DAB1: variants seen among roughly 807,000 people sequenced by gnomAD.
DAB1 encodes disabled homolog 1.
A neutral mutation model predicts 64.6 loss-of-function variants in DAB1; 15 were observed. The observed-to-expected ratio is 0.23, with a 90% CI of 0.16 to 0.36. The LOEUF (loss-of-function observed/expected upper bound fraction) is 0.36. Ranked by LOEUF, DAB1 falls within the 10% of genes least tolerant of loss-of-function variation. The probability of loss-of-function intolerance (pLI) is 1.00; values close to 1 mark genes in which losing one functional copy is unlikely to be tolerated. For synonymous variants in DAB1, 235 were observed against 251.9 expected (o/e 0.93, Z 0.64); for missense variants, 596 against 706.7 (o/e 0.84, Z 1.78).
chr1:57,428,857 A>AC (rs1685388488), upstream of DAB1, among the ~76,000 whole-genome samples: 1 of 118,888 alleles, frequency 8.4e-6, no homozygotes, highest in Non-Finnish European at 1.8e-5. Context: ...AAAAAAAAAA[A>AC]AAACAGCAAC....
Position 57,069,383 on chromosome 1 carries a change from C to T in DAB1, c.640G>A (p.Glu214Lys), listed in dbSNP as rs762426691. The part of the protein sequence containing the change: ...EAGHEPIRDP[E>K]TEENIYQVPT... ...ACCTGATAAATGTTTTCTTCCGTTT[C>T]GGGATCACGGATTGGCTCGTGTCCA... The change falls in exon 8 of 15, where the codon GAA becomes AAA. Residue 214 changes from glutamate to lysine, a missense_variant. By Grantham distance (56) the Glu-to-Lys change is moderately conservative. Transcript: ENST00000371236. 19 of 1,613,456 alleles carry T rather than the reference C, an allele frequency of 1.2e-5. No homozygotes were observed. Among genetic ancestry groups the T allele is most frequent in the Admixed American group, 8.3e-5 (5 of 60,014 alleles).
intron 2 of DAB1, among the ~76,000 whole-genome samples, chr1:57,212,633 C>G (rs1239297919): frequency 6.6e-6 from 1 of 152,032 alleles, no homozygotes; most frequent in Admixed American, 6.6e-5. Flanking sequence ...TCTCAAAGTG[C>G]TGGGATTACA....
At chr1:57,326,151 C>T (rs1219605076) in intron 1 of DAB1, among the ~76,000 whole-genome samples, 1 of 152,248 alleles carries the variant, frequency 6.6e-6, no homozygotes. Flanking sequence ...CTTAAAGCTA[C>T]ACCATAAGGT....
chr1:58,054,926 T>A (rs1647963445), intron 5 of DAB1, among the ~76,000 whole-genome samples: 1 of 152,244 alleles, frequency 6.6e-6, no homozygotes, highest in South Asian at 2.1e-4. Context: ...ACAGCCACAT[T>A]CGTGAAGGCA....
At chr1:58,184,978 G>T (rs1656991882) in intron 4 of DAB1, among the ~76,000 whole-genome samples, 1 of 152,296 alleles carries the variant, frequency 6.6e-6, no homozygotes, top group Non-Finnish European at 1.5e-5. Flanking sequence ...AGGAAGAGCA[G>T]ACTGCACTCA....
At chr1:57,047,700 G>C (rs1432668439) in intron 9 of DAB1, among the ~76,000 whole-genome samples, 3 of 152,112 alleles carry the variant, frequency 2.0e-5, no homozygotes, top group African/African-American at 7.2e-5. Context: ...ATTTTGTTAT[G>C]GCAGCCCAAG....
rs528768567 is a variant in DAB1 at position 57,349,229 on chromosome 1, C to T, written c.-136-58063G>A. ...TCATTGTTCTTCTCTTTCAACTCTC[C>T]TTCATGCTTGAATTAGGATATTTTC... On this transcript the variant is annotated intron_variant, in intron 1 of 14. Transcript: ENST00000371236. 3.3e-5 allele frequency among the ~76,000 whole-genome samples: 5 copies of T among 152,274 alleles called. No homozygotes were observed. In the South Asian group the frequency reaches 1.0e-3, roughly 32 times the overall value.
chr1:58,053,238 ATGAAGGAATACC>A (rs1453973802), intron 5 of DAB1, among the ~76,000 whole-genome samples: 13 of 152,270 alleles, frequency 8.5e-5, no homozygotes, highest in African/African-American at 3.1e-4. Flanking sequence ...TTGTGTAGCT[ATGAAGGAATACC>A]TGAGGCTGGA....
chr1:58,434,961 T>C (rs571672461), intron 3 of DAB1, among the ~76,000 whole-genome samples: 14 of 152,222 alleles, frequency 9.2e-5, no homozygotes, highest in Non-Finnish European at 1.5e-4. Context: ...GGAGCCTTAG[T>C]ATCATTTGAC....
chr1:57,712,796 C>T (rs1647042204), intron 6 of DAB1, among the ~76,000 whole-genome samples: 1 of 152,134 alleles, frequency 6.6e-6, no homozygotes, highest in African/African-American at 2.4e-5. Context: ...TGGGAGAGAT[C>T]TCACAGCATA....
intron 1 of DAB1, among the ~76,000 whole-genome samples, chr1:57,416,855 T>G (rs1420120155): frequency 1.3e-5 from 2 of 152,200 alleles, no homozygotes; most frequent in African/African-American, 2.4e-5. Context: ...TTTCCCTAAG[T>G]AGTTCATAAA....
intron 6 of DAB1, among the ~76,000 whole-genome samples, chr1:57,651,652 T>C (rs1394327085): frequency 6.6e-6 from 1 of 151,082 alleles, no homozygotes; most frequent in Non-Finnish European, 1.5e-5. Flanking sequence ...ACGGGTTTAT[T>C]GTAGAAAACA....
At chr1:57,117,842 T>C (rs1467079306) in intron 4 of DAB1, among the ~76,000 whole-genome samples, 4 of 149,452 alleles carry the variant, frequency 2.7e-5, no homozygotes, top group Non-Finnish European at 5.9e-5. Flanking sequence ...GTCCTAGTTA[T>C]AAAAGGCTCA....
chr1:58,091,108 T>C (rs1021680468), intron 5 of DAB1, among the ~76,000 whole-genome samples: 1 of 152,196 alleles, frequency 6.6e-6, no homozygotes, highest in Non-Finnish European at 1.5e-5. Flanking sequence ...TACAGACTCC[T>C]TAGCCCCCTC....
intron 2 of DAB1, among the ~76,000 whole-genome samples, chr1:57,193,145 A>G (rs1191858680): frequency 6.6e-6 from 1 of 152,092 alleles, no homozygotes; most frequent in Non-Finnish European, 1.5e-5. Context: ...GTTGTAAAAG[A>G]GATGTCCTGA....
intron 3 of DAB1, among the ~76,000 whole-genome samples, chr1:58,377,999 C>G (rs536331165): frequency 7.1e-6 from 1 of 141,422 alleles, no homozygotes; most frequent in African/African-American, 2.6e-5. Context: ...GCATTCTTCA[C>G]ATAGTTCTCA....
At chr1:57,266,703 T>C (rs1170111931) in intron 2 of DAB1, among the ~76,000 whole-genome samples, 1 of 152,196 alleles carries the variant, frequency 6.6e-6, no homozygotes, top group Non-Finnish European at 1.5e-5. Context: ...AGGTACTTAA[T>C]AAATTAATGA....
rs145126952 is a variant in DAB1, at chr1:58,036,690, G to A, written n.387+113821C>T. Among the ~76,000 whole-genome samples, 449 of 152,182 alleles carry A rather than the reference G, an allele frequency of 3.0e-3. 1 individual carries two copies. Among genetic ancestry groups the A allele is most frequent in the African/African-American group, 9.9e-3 (410 of 41,532 alleles). ...CAGTCTATAAGTACAGCTAAAATAC[G>A]GTGAGAGTGGAGGCAGAGGTACAGA... On this transcript the variant is annotated intron_variant and non_coding_transcript_variant, in intron 5 of 20. Coordinates refer to the DAB1 transcript ENST00000485760.
intron 6 of DAB1, among the ~76,000 whole-genome samples, chr1:57,788,477 A>T (rs1246615714): frequency 2.0e-5 from 3 of 152,244 alleles, no homozygotes; most frequent in Non-Finnish European, 4.4e-5. Flanking sequence ...CAAAAGGCAA[A>T]ACTGTACAGA....
Sources: allele counts gnomAD v4.1 joint callset (sites outside exome capture counted in the v4.1 genomes callset), GRCh38; gene constraint gnomAD v4.1.1; transcripts MANE v1.5; gene names NCBI Gene and HGNC (gene_info 2026-07-23, HGNC 2026-07-21).